Variants in CABIN1 observed in about 807,000 individuals in gnomAD.
The protein encoded by CABIN1 is calcineurin binding protein 1.
CABIN1 carries 133 observed loss-of-function variants against 227.7 expected under a neutral mutation model. That is an observed-to-expected ratio of 0.58 (90% confidence interval 0.51 to 0.67). CABIN1 has a LOEUF of 0.67. Among genes scored for constraint, CABIN1 ranks in the 30% least tolerant of loss-of-function variants. CABIN1 has a pLI of 0.00. For missense variants in CABIN1, 2,408 were observed against 2,852.5 expected (o/e 0.84, Z 3.55); for synonymous variants, 1,086 against 1,155.1 (o/e 0.94, Z 1.21).
intron 4 of CABIN1, 123 bp from the exon 5 acceptor site, chr22:24,041,016 G>A (rs1319429281): frequency 3.5e-6 from 4 of 1,154,942 alleles, no homozygotes; most frequent in Non-Finnish European, 5.2e-6. Flanking sequence ...TTTTCCAGTG[G>A]TGGACAACAC....
intron 10 of CABIN1, 87 bp downstream of exon 10, chr22:24,056,447 C>G: frequency 1.5e-6 from 2 of 1,320,640 alleles, no homozygotes; most frequent in South Asian, 2.4e-5. Flanking sequence ...CCATTGCCAC[C>G]CTCTTCTCTG....
At chr22:24,122,501 A>G (rs1364904991) in intron 28 of CABIN1, among the ~76,000 whole-genome samples, 1 of 152,140 alleles carries the variant, frequency 6.6e-6, no homozygotes, top group Non-Finnish European at 1.5e-5. Flanking sequence ...TGAGGTCAGG[A>G]GTTCAAGACC....
At chr22:24,098,255 G>A in intron 26 of CABIN1, 63 bp downstream of exon 26, 7 of 1,609,834 alleles carry the variant, frequency 4.3e-6, no homozygotes, top group East Asian at 2.2e-5. Flanking sequence ...GGGGGTGCTC[G>A]GACGACTCAT....
chr22:24,135,389 T>TA (rs34701900), intron 29 of CABIN1, among the ~76,000 whole-genome samples: 3,024 of 146,958 alleles, frequency 0.021, 39 homozygotes, highest in Middle Eastern at 0.031. Context: ...GACTCCCTCT[T>TA]AAAAAAAAAA....
At chr22:24,052,539 C>T (rs532638634) in intron 8 of CABIN1, among the ~76,000 whole-genome samples, 1 of 151,242 alleles carries the variant, frequency 6.6e-6, no homozygotes, top group Admixed American at 6.6e-5. Context: ...GCCTATAATC[C>T]CAGTACTTTG....
intron 8 of CABIN1, among the ~76,000 whole-genome samples, chr22:24,052,637 C>G (rs2038429264): frequency 6.6e-6 from 1 of 151,340 alleles, no homozygotes; most frequent in Non-Finnish European, 1.5e-5. Flanking sequence ...AAAAAATAAA[C>G]AAAATTAGCC....
rs1770599935 is a variant in CABIN1, at chr22:24,050,837, T to G, written c.669T>G (p.Ile223Met). The G allele has an allele frequency of 6.2e-7, 1 of 1,614,130 alleles. No homozygotes were observed. The highest frequency in any genetic ancestry group is 8.5e-7 in the Non-Finnish European group (1 of 1,180,050). Residue 223 changes from isoleucine (I) to methionine (M), a missense_variant, in exon 8 of 37, where the codon ATT becomes ATG. Ile to Met is a conservative substitution (Grantham distance 10). Around this residue, in one of 3 missense-constraint regions of CABIN1, gnomAD observed 1,045 missense variants for 1,168.4 expected, o/e 0.89. Coordinates refer to ENST00000263119, the MANE Select transcript of CABIN1 (RefSeq NM_012295.4). ...CACATGCTTTTAGTGACATGTCGATTCACGATGTTTCGGTGAGTGCAGCTG... is the reference window on the plus strand; with the variant it reads ...CACATGCTTTTAGTGACATGTCGATGCACGATGTTTCGGTGAGTGCAGCTG... ...LRMFLKCDMS[I>M]HDVSVSAAET...
chr22:24,080,072 T>C (rs1030511918), intron 19 of CABIN1, among the ~76,000 whole-genome samples: 1 of 152,254 alleles, frequency 6.6e-6, no homozygotes, highest in African/African-American at 2.4e-5. Context: ...TAGTTTGCTC[T>C]TGTATTTCAT....
chr22:24,066,182 G>A lies in CABIN1; in HGVS notation c.2038-805G>A, dbSNP rs2039665231. Among the ~76,000 whole-genome samples the A allele has an allele frequency of 2.0e-5, 3 of 152,220 alleles. No individual in the cohort carries two copies. The South Asian group carries it at 6.2e-4, about 32-fold the overall frequency. On this transcript the variant is annotated intron_variant, in intron 15 of 36. Transcript: ENST00000263119. ...CCATATGCTGAGTGGGGCCTCTGTT[G>A]GGAAGACAGGAGAGGCCTGGGAAAG...
At chr22:24,066,037 G>T (rs901997539) in intron 15 of CABIN1, among the ~76,000 whole-genome samples, 1 of 150,474 alleles carries the variant, frequency 6.6e-6, no homozygotes, top group East Asian at 1.9e-4. Context: ...TGGAGAGGGA[G>T]ACCGTAGGGA....
intron 1 of CABIN1, among the ~76,000 whole-genome samples, chr22:24,030,101 G>A (rs1026489113): frequency 2.0e-4 from 30 of 152,312 alleles, no homozygotes; most frequent in African/African-American, 7.0e-4. Flanking sequence ...GCTTTATGGA[G>A]TGATGTTGAT....
rs956793556 is a variant in CABIN1 at position 24,122,138 on chromosome 22, T to G, written c.4632+2440T>G. 7.7e-5 allele frequency among the ~76,000 whole-genome samples: 11 copies of G among 142,134 alleles called. No homozygotes were observed. The East Asian group carries it at 2.1e-3, about 28-fold the overall frequency. The allele number at this position is 142,134 out of a possible 152,430, so 93.2% of individuals were successfully genotyped here. A position where few individuals can be genotyped will look rare whatever the true frequency, so the allele number is the denominator to read the frequency against. ...GCATATAAAGTGCTTAGCTCAGCAC[T>G]AGACACAAAATGCTGTTATTACAGC... On this transcript the variant is annotated intron_variant, in intron 28 of 36. Coordinates refer to ENST00000263119, the MANE Select transcript of CABIN1 (RefSeq NM_012295.4).
intron 23 of CABIN1, among the ~76,000 whole-genome samples, chr22:24,089,473 G>A (rs1466738361): frequency 6.6e-6 from 1 of 152,062 alleles, no homozygotes; most frequent in East Asian, 1.9e-4. Context: ...GTGTTAGGGT[G>A]GCAGGAGAGA....
intron 5 of CABIN1, 70 bp from the exon 6 acceptor site, chr22:24,042,834 G>GTGTGTGTGTGTTTGCCCTCTGCT: frequency 1.5e-6 from 1 of 651,458 alleles, no homozygotes; most frequent in African/African-American, 1.9e-5. Flanking sequence ...GTGTGTGTGT[G>GTGTGTGTGTGTTTGCCCTCTGCT]TGTGTGTGTG....
intron 12 of CABIN1, 121 bp from the exon 13 acceptor site, chr22:24,061,826 A>G (rs528357416): frequency 1.3e-6 from 1 of 746,790 alleles, no homozygotes; most frequent in East Asian, 2.7e-5. Context: ...TGGCAAGTGG[A>G]TAGAAAGAAT....
At chr22:24,052,321 C>T (rs1446291877) in intron 8 of CABIN1, among the ~76,000 whole-genome samples, 1 of 151,116 alleles carries the variant, frequency 6.6e-6, no homozygotes, top group Non-Finnish European at 1.5e-5. Context: ...TAGATTCCCT[C>T]TCTGGTAGCA....
In CABIN1 at chr22:24,036,149, A is replaced by G. The variant is rs1376491522; in HGVS notation, c.64A>G (p.Lys22Glu). 2 of 1,613,632 alleles carry G rather than the reference A, an allele frequency of 1.2e-6. No homozygotes were observed. Among genetic ancestry groups the G allele is most frequent in the African/African-American group, 1.3e-5 (1 of 74,990 alleles). The change falls in exon 3 of 37, where the codon AAA becomes GAA. Residue 22 changes from lysine to glutamate, a missense_variant. Transcript: ENST00000263119. ...TIEDDHEGSFKSHKTQTKEAQ... is the reference protein window; with the variant it reads ...TIEDDHEGSFESHKTQTKEAQ... ...TGAGGATGATCATGAAGGAAGCTTT[A>G]AAAGTCACAAAACCCAGACAAAGGA...
At chr22:24,106,287 T>C (rs1409838120) in intron 26 of CABIN1, among the ~76,000 whole-genome samples, 1 of 152,196 alleles carries the variant, frequency 6.6e-6, no homozygotes, top group East Asian at 1.9e-4. Context: ...TGGCTGCAGG[T>C]CTGGTAACCT....
intron 27 of CABIN1, among the ~76,000 whole-genome samples, chr22:24,118,618 A>G (rs900155663): frequency 5.3e-5 from 8 of 152,098 alleles, no homozygotes; most frequent in South Asian, 2.1e-4. Flanking sequence ...CCTTGCCTTT[A>G]TCCCTTGCTC....
Sources: allele counts gnomAD v4.1 joint callset (sites outside exome capture counted in the v4.1 genomes callset), GRCh38; gene constraint gnomAD v4.1.1; regional missense constraint gnomAD v4.1.1; transcripts MANE v1.5; gene names NCBI Gene and HGNC (gene_info 2026-07-23, HGNC 2026-07-21).